The following WDR17 variants were observed in gnomAD, a reference collection of about 807,000 sequenced individuals.
WDR17 encodes WD repeat-containing protein 17.
A neutral mutation model predicts 161.7 loss-of-function variants in WDR17; 143 were observed. The ratio of observed to expected loss-of-function variants is 0.88; its 90% CI spans 0.77 to 1.02. The LOEUF is 1.02. WDR17 is among the 50% of genes least tolerant of loss of function. WDR17 has a pLI of 0.00. For synonymous variants in WDR17, 517 were observed against 515.6 expected (o/e 1.00, Z -0.04); for missense variants, 1,469 against 1,520.9 (o/e 0.97, Z 0.57).
At chr4:176,177,009 A>T (rs1237382984) in intron 26 of WDR17, 49 bp from the exon 27 acceptor site, 3 of 1,332,358 alleles carry the variant, frequency 2.3e-6, no homozygotes, top group Non-Finnish European at 3.2e-6. Context: ...GCTTTTTCTG[A>T]TATCTTAGTT....
In WDR17 at chr4:176,099,085, T is replaced by C. The variant is rs186274291; in HGVS notation, c.-6-12490T>C. On this transcript the variant is annotated intron_variant, in intron 1 of 28. Transcript: ENST00000508596. ...AAATTTAGAAGTTTATTTTTGTTTT[T>C]AATAAATAAGCAGAGAAACTGCTGG... 2.8e-4 allele frequency among the ~76,000 whole-genome samples: 42 copies of C among 152,240 alleles called. No homozygotes were observed. In the East Asian group the frequency reaches 8.1e-3, roughly 29 times the overall value.
At chr4:176,154,761 A>G (rs76958458) in intron 17 of WDR17, among the ~76,000 whole-genome samples, 3,104 of 152,254 alleles carry the variant, frequency 0.02, 211 homozygotes, top group East Asian at 0.17. Flanking sequence ...TTTTCTGGTT[A>G]ATTACCAATT....
At chr4:176,171,464 A>G (rs1401973237) in intron 23 of WDR17, among the ~76,000 whole-genome samples, 2 of 152,172 alleles carry the variant, frequency 1.3e-5, no homozygotes, top group Non-Finnish European at 2.9e-5. Flanking sequence ...CGTTATATAT[A>G]TGAGAGCCCC....
At chr4:176,090,352 C>G (rs1261630592) in intron 1 of WDR17, among the ~76,000 whole-genome samples, 1 of 151,984 alleles carries the variant, frequency 6.6e-6, no homozygotes, top group African/African-American at 2.4e-5. Context: ...CTCTTCCCCT[C>G]TGCAATCAGT....
At chr4:176,075,601 A>G (rs1352387475) in intron 1 of WDR17, among the ~76,000 whole-genome samples, 2 of 152,282 alleles carry the variant, frequency 1.3e-5, no homozygotes, top group East Asian at 3.9e-4. Flanking sequence ...TTATTCAAGT[A>G]ATTTTTTAAG....
At chr4:176,149,677 C>A in intron 13 of WDR17, 130 bp from the exon 14 acceptor site, 2 of 1,063,256 alleles carry the variant, frequency 1.9e-6, no homozygotes, top group Non-Finnish European at 2.7e-6. Flanking sequence ...GATAGGTTGA[C>A]TGAGAACCTT....
chr4:176,066,480 A>G (rs183808215), intron 1 of WDR17, among the ~76,000 whole-genome samples: 1 of 152,274 alleles, frequency 6.6e-6, no homozygotes, highest in Admixed American at 6.5e-5. Context: ...ACTTATTAGT[A>G]GGGTTGTACT....
intron 2 of WDR17, 37 bp downstream of exon 2, chr4:176,111,740 C>T (rs114391687): frequency 1.8e-4 from 274 of 1,482,970 alleles, no homozygotes; most frequent in Middle Eastern, 8.7e-4. Context: ...TAATTATATC[C>T]GGTAAAATTA....
intron 3 of WDR17, among the ~76,000 whole-genome samples, chr4:176,117,206 A>G (rs1404033366): frequency 2.6e-5 from 4 of 152,072 alleles, no homozygotes; most frequent in African/African-American, 9.6e-5. Flanking sequence ...ATAAATTGTG[A>G]TTGATGGCCT....
intron 22 of WDR17, among the ~76,000 whole-genome samples, chr4:176,166,909 A>T (rs2126866529): frequency 6.6e-6 from 1 of 152,268 alleles, no homozygotes; most frequent in African/African-American, 2.4e-5. Flanking sequence ...ATCTTTTATC[A>T]ATTCTCTTTT....
intron 1 of WDR17, among the ~76,000 whole-genome samples, chr4:176,067,723 G>A (rs1732706043): frequency 1.3e-5 from 2 of 152,146 alleles, no homozygotes; most frequent in African/African-American, 4.8e-5. Flanking sequence ...GGGAGACTAG[G>A]GCTAGATTGC....
intron 7 of WDR17, among the ~76,000 whole-genome samples, chr4:176,134,012 A>G (rs971513589): frequency 1.3e-4 from 20 of 151,756 alleles, no homozygotes; most frequent in African/African-American, 4.6e-4. Flanking sequence ...AACTGCATGT[A>G]AGTCCCTGCC....
Position 176,181,819 on chromosome 4 carries a change from A to G in WDR17, c.*2240A>G, listed in dbSNP as rs28624748. 0.22 allele frequency: 32,952 copies of G among 152,042 alleles called. 4,096 individuals are homozygous for G. Among genetic ancestry groups the G allele is most frequent in the Admixed American group, 0.36 (5,473 of 15,248 alleles). 9.4% of individuals were successfully genotyped at this position (152,042 alleles called of 1,614,324 possible). On this transcript the variant is annotated 3_prime_UTR_variant, in exon 29 of 29. Transcript: ENST00000508596. ...CAGGAAAATAATATTTTTATGTATA[A>G]AAGATGAAGAAAAAATTTTGCAAGT...
intron 22 of WDR17, 77 bp from the exon 23 acceptor site, chr4:176,168,594 GC>G (rs1750232278): frequency 3.3e-6 from 5 of 1,536,908 alleles, no homozygotes; most frequent in Non-Finnish European, 4.5e-6. Context: ...TATATGAATT[GC>G]CCTTCTTTGA....
chr4:176,127,414 C>A (rs1342251821), intron 5 of WDR17, among the ~76,000 whole-genome samples: 1 of 151,954 alleles, frequency 6.6e-6, no homozygotes, highest in Non-Finnish European at 1.5e-5. Context: ...GCCTCAGCCT[C>A]CCGAGTAGCT....
chr4:176,133,825 A>G (rs561605729), intron 7 of WDR17, among the ~76,000 whole-genome samples: 3 of 151,780 alleles, frequency 2.0e-5, no homozygotes, highest in Non-Finnish European at 4.4e-5. Flanking sequence ...GTACTTCCAT[A>G]TGAATATTTG....
At chr4:176,075,667 G>T (rs1733867147) in intron 1 of WDR17, among the ~76,000 whole-genome samples, 1 of 152,086 alleles carries the variant, frequency 6.6e-6, no homozygotes, top group African/African-American at 2.4e-5. Flanking sequence ...ATGTCTTTCT[G>T]TTCGTTTTCC....
intron 1 of WDR17, among the ~76,000 whole-genome samples, chr4:176,069,850 G>A (rs560708712): frequency 6.6e-6 from 1 of 152,044 alleles, no homozygotes; most frequent in Middle Eastern, 3.4e-3. Flanking sequence ...AGCTCCACAT[G>A]GAGTCTCAAA....
chr4:176,081,261 C>A (rs977628948), intron 1 of WDR17, among the ~76,000 whole-genome samples: 1 of 152,106 alleles, frequency 6.6e-6, no homozygotes, highest in Non-Finnish European at 1.5e-5. Context: ...TCCCCATCTC[C>A]TATAAAGTAA....
Sources: allele counts gnomAD v4.1 joint callset (sites outside exome capture counted in the v4.1 genomes callset), GRCh38; gene constraint gnomAD v4.1.1; transcripts MANE v1.5; gene names NCBI Gene and HGNC (gene_info 2026-07-23, HGNC 2026-07-21).